Variants in CEP83 observed in about 807,000 individuals in gnomAD.
CEP83 encodes centrosomal protein 83.
A neutral mutation model predicts 101.9 loss-of-function variants in CEP83; 70 were observed. That is an observed-to-expected ratio of 0.69 (90% CI 0.57 to 0.84). The LOEUF (loss-of-function observed/expected upper bound fraction) is 0.84, where lower values mean the gene tolerates loss of function less well. Among genes scored for constraint, CEP83 ranks in the 40% least tolerant of loss-of-function variants. The pLI is 0.00. For missense variants in CEP83, 715 were observed against 787.2 expected, an observed-to-expected ratio of 0.91 and a Z score of 1.10; for synonymous variants, 264 against 267.9, an observed-to-expected ratio of 0.99 and a Z score of 0.14.
rs1465076860 is a variant in CEP83, at chr12:94,365,932, A to G, written c.1343+1862T>C. On this transcript the variant is annotated intron_variant, in intron 11 of 16. Transcript: ENST00000397809. ...CTGAAGCAGTTTCCAGGGTGCACTGATAAGAAAGAAGGAAAAATACAATGA... is the reference window on the plus strand; with the variant it reads ...CTGAAGCAGTTTCCAGGGTGCACTGGTAAGAAAGAAGGAAAAATACAATGA... Among the ~76,000 whole-genome samples, 3 of 152,170 alleles carry G rather than the reference A, an allele frequency of 2.0e-5. No individual in the cohort carries two copies. The East Asian group carries it at 5.8e-4, about 29-fold the overall frequency.
intron 1 of CEP83, among the ~76,000 whole-genome samples, chr12:94,455,065 C>T (rs1398017994): frequency 2.6e-5 from 4 of 152,140 alleles, no homozygotes; most frequent in Non-Finnish European, 4.4e-5. Flanking sequence ...ACATTCACCA[C>T]GAGGGTCCGC....
At chr12:94,347,599 C>A (rs2060000228) in intron 11 of CEP83, among the ~76,000 whole-genome samples, 1 of 152,152 alleles carries the variant, frequency 6.6e-6, no homozygotes, top group African/African-American at 2.4e-5. Flanking sequence ...CACACAAAGA[C>A]TTGTAAATGA....
chr12:94,327,520 TATA>T (rs1327280677), intron 14 of CEP83, among the ~76,000 whole-genome samples: 26 of 152,236 alleles, frequency 1.7e-4, no homozygotes, highest in Admixed American at 1.7e-3. Flanking sequence ...TAGTTACCTA[TATA>T]ATATCTTTAC....
chr12:94,303,174 CT>C, downstream of CEP83, among the ~76,000 whole-genome samples: 1 of 152,298 alleles, frequency 6.6e-6, no homozygotes, highest in South Asian at 2.1e-4. Context: ...CAGAGAACCT[CT>C]GCAAAATCAC....
chr12:94,394,014 A>T (rs577478033), intron 6 of CEP83, among the ~76,000 whole-genome samples: 2 of 152,384 alleles, frequency 1.3e-5, no homozygotes, highest in Admixed American at 1.3e-4. Context: ...GCTTATGGAT[A>T]GGAAGAATCA....
chr12:94,318,237 G>C (rs1277199932), intron 14 of CEP83, among the ~76,000 whole-genome samples: 1 of 152,168 alleles, frequency 6.6e-6, no homozygotes, highest in Non-Finnish European at 1.5e-5. Context: ...GTACAGGAAT[G>C]CTAGTGATTT....
the CEP83 span, among the ~76,000 whole-genome samples, chr12:94,278,747 T>C: frequency 9.2e-5 from 14 of 152,084 alleles, no homozygotes; most frequent in Non-Finnish European, 2.1e-4. Context: ...CCTGTAATCC[T>C]AGCACTTTGG....
At chr12:94,271,410 C>A in the CEP83 span, among the ~76,000 whole-genome samples, 1 of 152,238 alleles carries the variant, frequency 6.6e-6, no homozygotes, top group South Asian at 2.1e-4. Context: ...TGCCAGCCCC[C>A]TGCAGCCTTA....
chr12:94,405,090 C>T (rs914398227), intron 4 of CEP83, among the ~76,000 whole-genome samples: 13 of 151,984 alleles, frequency 8.6e-5, no homozygotes, highest in African/African-American at 3.1e-4. Context: ...ATCTGGTTTA[C>T]GGTATCAAGT....
At position 94,373,134 on chromosome 12, in the gene CEP83, T is replaced by A. The variant is rs773031594; in HGVS notation, c.933+2752A>T. ...CTAGGAAAATTAGGGATTTTTTTTT[T>A]AAATAAAATGCTCATGTTAAAATGT... On this transcript the variant is annotated intron_variant, in intron 8 of 16. Coordinates refer to ENST00000397809, the MANE Select transcript of CEP83 (RefSeq NM_016122.3). Among the ~76,000 whole-genome samples, 20 of 151,968 alleles carry A rather than the reference T, an allele frequency of 1.3e-4. 1 individual carries two copies. The highest frequency in any genetic ancestry group is 2.1e-4 in the Non-Finnish European group (14 of 67,946).
At chr12:94,273,985 T>C in the CEP83 span, among the ~76,000 whole-genome samples, 1 of 151,770 alleles carries the variant, frequency 6.6e-6, no homozygotes, top group Non-Finnish European at 1.5e-5. Flanking sequence ...AGTCACAAGA[T>C]GGCTGCCACC....
At chr12:94,277,777 G>A in the CEP83 span, 1 of 363,332 alleles carries the variant, frequency 2.8e-6, no homozygotes, top group African/African-American at 2.1e-5. Context: ...AGGTTTTATT[G>A]CCGATACTAT....
rs1334026486 is a variant in CEP83, at chr12:94,343,650, C to T, written c.1344-7986G>A. Among the ~76,000 whole-genome samples, 19 of 149,974 alleles carry T rather than the reference C, an allele frequency of 1.3e-4. No homozygotes were observed. In the South Asian group the frequency reaches 1.5e-3, roughly 12 times the overall value. ...GACTACAGGCGCCCGCCACCGCGCC[C>T]GGCTAATTTTTTGTATTTTTTTTTA... On this transcript the variant is annotated intron_variant, in intron 11 of 16. Coordinates refer to ENST00000397809, the MANE Select transcript of CEP83 (RefSeq NM_016122.3).
intron 2 of CEP83, among the ~76,000 whole-genome samples, chr12:94,414,288 T>G (rs1409236561): frequency 1.3e-5 from 2 of 152,198 alleles, no homozygotes; most frequent in East Asian, 3.8e-4. Context: ...TACTCTACTG[T>G]GGGTAAAATG....
intron 13 of CEP83, 24 bp from the exon 14 acceptor site, chr12:94,331,853 C>T (rs554331952): frequency 2.5e-6 from 4 of 1,605,044 alleles, no homozygotes; most frequent in Non-Finnish European, 3.4e-6. Context: ...GTATGTAAAA[C>T]ATGGAAGTTA....
chr12:94,276,958 G>A, the CEP83 span: 3 of 152,138 alleles, frequency 2.0e-5, no homozygotes, highest in Admixed American at 6.5e-5. Context: ...CCACTGATTC[G>A]GAGTTTTAAT....
chr12:94,408,657 G>A (rs571538614), intron 4 of CEP83, among the ~76,000 whole-genome samples: 166 of 152,092 alleles, frequency 1.1e-3, no homozygotes, highest in Middle Eastern at 6.8e-3. Flanking sequence ...ATGGCTCCCT[G>A]AAGCCTCAAA....
intron 2 of CEP83, among the ~76,000 whole-genome samples, chr12:94,421,252 T>C (rs942526732): frequency 6.6e-5 from 10 of 152,032 alleles, no homozygotes; most frequent in Admixed American, 3.3e-4. Flanking sequence ...AGAGACAAGG[T>C]CCCACTATGT....
At chr12:94,371,365 T>G (rs2061299340) in intron 8 of CEP83, among the ~76,000 whole-genome samples, 2 of 152,164 alleles carry the variant, frequency 1.3e-5, no homozygotes, top group Non-Finnish European at 2.9e-5. Flanking sequence ...GTGTATAGAC[T>G]GTGTCTGTGT....
Sources: allele counts gnomAD v4.1 joint callset (sites outside exome capture counted in the v4.1 genomes callset), GRCh38; gene constraint gnomAD v4.1.1; transcripts MANE v1.5; gene names NCBI Gene and HGNC (gene_info 2026-07-23, HGNC 2026-07-21).